The following CD93 variants were observed in gnomAD, a reference collection of about 807,000 sequenced individuals.
CD93 encodes CD93 molecule, also known as complement component C1q receptor.
Under a neutral mutation model 45.5 loss-of-function variants are expected in CD93, and 44 were observed. The observed-to-expected ratio is 0.97, with a 90% confidence interval of 0.76 to 1.24. The LOEUF (loss-of-function observed/expected upper bound fraction) is 1.24, where lower values mean the gene tolerates loss of function less well. CD93 is among the 50% of genes most tolerant of loss of function. The pLI is 0.00. For missense variants in CD93, 918 were observed against 844.5 expected (o/e 1.09, Z -1.08); for synonymous variants, 431 against 370.8 (o/e 1.16, Z -1.87).
chr20:23,084,203 G>A, intron 1 of CD93, 56 bp downstream of exon 1: 1 of 1,580,782 alleles, frequency 6.3e-7, no homozygotes, highest in Non-Finnish European at 8.6e-7. Flanking sequence ...TTGTACTGTA[G>A]TCAGTGCCCC....
rs1568679113 is a variant in CD93 at position 23,085,897 on chromosome 20, C to G, written c.296G>C (p.Arg99Pro). 6.5e-7 allele frequency: 1 copy of G among 1,542,538 alleles called. No individual in the cohort carries two copies. Among genetic ancestry groups the G allele is most frequent in the African/African-American group, 1.4e-5 (1 of 72,168 alleles). ...RMSKFWIGLQ[R>P]EKGKCLDPSL... ...AGGGTCCAGGCACTTGCCCTTCTCT[C>G]GCTGGAGCCCAATCCAGAACTTGCT... Residue 99 changes from arginine to proline, a missense_variant, in exon 1 of 2, where the codon CGA becomes CCA. Arg to Pro is a moderately radical substitution (Grantham distance 103). Transcript: ENST00000246006.
rs541179008 is a variant in CD93 at position 23,085,053 on chromosome 20, C to T, written c.1140G>A (p.Glu380=). The change falls in exon 1 of 2, where the codon GAG becomes GAA. Residue 380 remains glutamate (E), a synonymous_variant. Coordinates refer to ENST00000246006, the MANE Select transcript of CD93 (RefSeq NM_012072.4). Reference sequence around the variant, plus strand: ...ACTCATCCACATCCTGACAGGCCCCCTCTCCAGGACCGCCCGGCTCATAGC... The same window carrying T: ...ACTCATCCACATCCTGACAGGCCCCTTCTCCAGGACCGCCCGGCTCATAGC... ...WVGYEPGGPG[E]GACQDVDECA... 5 of 1,613,690 alleles carry T rather than the reference C, an allele frequency of 3.1e-6. No individual in the cohort carries two copies. Among genetic ancestry groups the T allele is most frequent in the Non-Finnish European group, 4.2e-6 (5 of 1,179,834 alleles).
rs1468398961 is a variant in CD93, at chr20:23,082,026, G to A, written c.*1924C>T. 3 of 152,098 alleles carry A rather than the reference G, an allele frequency of 2.0e-5. No homozygotes were observed. Among genetic ancestry groups the A allele is most frequent in the African/African-American group, 4.8e-5 (2 of 41,414 alleles). The allele number at this position is 152,098 out of a possible 1,614,324, so 9.4% of individuals were successfully genotyped here. Reference sequence around the variant, plus strand: ...TGCCCAGCTTCACACATCACCTAGAGTCTCGTGGCCAAGGAAGTTTTGCCA... The same window carrying A: ...TGCCCAGCTTCACACATCACCTAGAATCTCGTGGCCAAGGAAGTTTTGCCA... On this transcript the variant is annotated 3_prime_UTR_variant, in exon 2 of 2. Coordinates refer to ENST00000246006, the MANE Select transcript of CD93 (RefSeq NM_012072.4).
Position 23,085,254 on chromosome 20 carries a change from C to T in CD93, c.939G>A (p.Gly313=), listed in dbSNP as rs747006561. ...RNPCSSSPCR[G]GATCVLGPHG... ...GGGGTCCCAGGACGCACGTGGCCCC[C>T]CCACGACATGGGCTGGAGCTGCAAG... is the stretch of plus-strand genomic sequence containing the variant. Residue 313 remains glycine (G), a synonymous_variant, in exon 1 of 2, where the codon GGG becomes GGA. Coordinates refer to ENST00000246006, the MANE Select transcript of CD93 (RefSeq NM_012072.4). The T allele has an allele frequency of 2.5e-6, 4 of 1,613,108 alleles. No homozygotes were observed. The highest frequency in any genetic ancestry group is 1.1e-5 in the South Asian group (1 of 90,994).
intron 1 of CD93, 118 bp downstream of exon 1, chr20:23,084,140 AC>A: frequency 7.0e-7 from 1 of 1,428,026 alleles, no homozygotes; most frequent in Non-Finnish European, 9.8e-7. Flanking sequence ...AGCTGCAAGG[AC>A]CAGGGTGTGT....
rs150010832 is a variant in CD93 at position 23,085,207 on chromosome 20, C to T, written c.986G>A (p.Arg329His). 137 of 1,597,314 alleles carry T rather than the reference C, an allele frequency of 8.6e-5. No individual in the cohort carries two copies. The African/African-American group carries it at 1.4e-3, about 17-fold the overall frequency. The change falls in exon 1 of 2, where the codon CGC (arginine) becomes CAC (histidine). Residue 329 changes from arginine (R) to histidine (H), a missense_variant. Transcript: ENST00000246006. Reference protein sequence around the residue: ...LGPHGKNYTCRCPQGYQLDSS... With the variant: ...LGPHGKNYTCHCPQGYQLDSS... ...GTCCAGCTGGTACCCTTGGGGGCAG[C>T]GGCACGTGTAGTTTTTCCCATGGGG... is the stretch of plus-strand genomic sequence containing the variant.
Position 23,085,463 on chromosome 20 carries a change from C to A in CD93, c.730G>T (p.Ala244Ser). ...QSHYFLCKEKAPDVFDWGSSG... is the reference protein window; with the variant it reads ...QSHYFLCKEKSPDVFDWGSSG... ...CTGCCCCAGTCGAACACATCGGGGG[C>A]CTTCTCCTTGCACAGGAAATAATGA... The change falls in exon 1 of 2, where the codon GCC becomes TCC. Residue 244 changes from alanine (A) to serine (S), a missense_variant. Coordinates refer to ENST00000246006, the MANE Select transcript of CD93 (RefSeq NM_012072.4). 1.2e-6 allele frequency: 2 copies of A among 1,613,926 alleles called. No individual in the cohort carries two copies. Among genetic ancestry groups the A allele is most frequent in the Non-Finnish European group, 1.7e-6 (2 of 1,180,036 alleles).
chr20:23,084,368 G>T lies in CD93; in HGVS notation c.1825C>A (p.Arg609=), dbSNP rs745695333. The change falls in exon 1 of 2, where the codon CGG becomes AGG. Residue 609 remains arginine, a synonymous_variant. Coordinates refer to ENST00000246006, the MANE Select transcript of CD93 (RefSeq NM_012072.4). ...TTCTTCTCCTCCCTCTTCGCTCTCC[G>T]CTTGCGATAGACCAGTAGCCCCAGA... The part of the protein sequence containing the change: ...LALGLLVYRK[R]RAKREEKKEK... The T allele has an allele frequency of 1.9e-6, 3 of 1,614,062 alleles. No homozygotes were observed. Among genetic ancestry groups the T allele is most frequent in the African/African-American group, 2.7e-5 (2 of 74,922 alleles).
chr20:23,085,527 A>G lies in CD93; in HGVS notation c.666T>C (p.Asn222=). 1 of 1,613,964 alleles carries G rather than the reference A, an allele frequency of 6.2e-7. No individual in the cohort carries two copies. Among genetic ancestry groups the G allele is most frequent in the East Asian group, 2.2e-5 (1 of 44,856 alleles). ...CCTTGTCACCTTCCCCACAGGCTAC[A>G]TTGGCCGCAGAGGCAAAGGGCACAG... ...LEAVPFASAA[N]VACGEGDKDE... is the part of the protein sequence containing the mutation. The change falls in exon 1 of 2, where the codon AAT becomes AAC. Residue 222 remains asparagine, a synonymous_variant. Coordinates refer to ENST00000246006, the MANE Select transcript of CD93 (RefSeq NM_012072.4).
At position 23,086,196 on chromosome 20, in the gene CD93, G is replaced by A. The variant is rs1281555732; in HGVS notation, c.-4C>T. On this transcript the variant is annotated 5_prime_UTR_variant, in exon 1 of 2. Coordinates refer to ENST00000246006, the MANE Select transcript of CD93 (RefSeq NM_012072.4). ...GCAGGCCCATGGAGGTGGCCATCCCGGTCTCTGTGTGGCCCTCTGCGGGAG... is the reference window on the plus strand; with the variant it reads ...GCAGGCCCATGGAGGTGGCCATCCCAGTCTCTGTGTGGCCCTCTGCGGGAG... The A allele has an allele frequency of 3.3e-6, 5 of 1,526,740 alleles. No homozygotes were observed. The East Asian group carries it at 7.3e-5, about 22-fold the overall frequency. The allele number at this position is 1,526,740 out of a possible 1,614,324, so 94.6% of individuals were successfully genotyped here.
rs539505867 is a variant in CD93 at position 23,080,228 on chromosome 20, A to C, written c.*3722T>G. ...GCTTTCCTATGTTAGTTTTAAAAAG[A>C]CTGTGTTATTTTTAATTCAATTTTT... On this transcript the variant is annotated 3_prime_UTR_variant, in exon 2 of 2. Transcript: ENST00000246006. 1.3e-5 allele frequency: 2 copies of C among 152,716 alleles called. No homozygotes were observed. The highest frequency in any genetic ancestry group is 3.9e-4 in the East Asian group (2 of 5,184). The allele number at this position is 152,716 out of a possible 1,614,324, so 9.5% of individuals were successfully genotyped here.
In CD93 at chr20:23,085,587, G is replaced by A. The variant is rs1426329208; in HGVS notation, c.606C>T (p.Thr202=). 2 of 1,613,784 alleles carry A rather than the reference G, an allele frequency of 1.2e-6. No homozygotes were observed. Among genetic ancestry groups the A allele is most frequent in the South Asian group, 1.1e-5 (1 of 91,088 alleles). ...ALGGPGQVTY[T]TPFQTTSSSL... ...AGGAACTGGTGGTCTGGAAGGGGGT[G>A]GTGTAGGTCACCTGACCTGGGCCCC... The change falls in exon 1 of 2, where the codon ACC becomes ACT. Residue 202 remains threonine (T), a synonymous_variant. Coordinates refer to ENST00000246006, the MANE Select transcript of CD93 (RefSeq NM_012072.4).
In CD93 at chr20:23,084,601, G is replaced by A. The variant is rs1985419763; in HGVS notation, c.1592C>T (p.Pro531Leu). The A allele has an allele frequency of 6.2e-7, 1 of 1,611,588 alleles. No individual in the cohort carries two copies. The highest frequency in any genetic ancestry group is 8.5e-7 in the Non-Finnish European group (1 of 1,178,608). ...CCCACTGGGGGCCAGCATCTTGAGT[G>A]GGGCAGATGTGATGGGGGCGTCAGA... ...LSSDAPITSAPLKMLAPSGSP... is the reference protein window; with the variant it reads ...LSSDAPITSALLKMLAPSGSP... The change falls in exon 1 of 2, where the codon CCA becomes CTA. Residue 531 changes from proline (P) to leucine (L), a missense_variant. Coordinates refer to ENST00000246006, the MANE Select transcript of CD93 (RefSeq NM_012072.4).
At chr20:23,084,093 G>C in intron 1 of CD93, 119 bp from the exon 2 acceptor site, 1 of 1,435,722 alleles carries the variant, frequency 7.0e-7, no homozygotes, top group South Asian at 1.1e-5. Flanking sequence ...GCTCTAAGGG[G>C]GCCCGAGTGC....
chr20:23,084,084 C>G, intron 1 of CD93, 110 bp from the exon 2 acceptor site: 1 of 1,463,388 alleles, frequency 6.8e-7, no homozygotes, highest in East Asian at 2.3e-5. Context: ...GGGCAGTATG[C>G]TCTAAGGGGG....
At position 23,084,586 on chromosome 20, in the gene CD93, G is replaced by A. The variant is rs1985419334; in HGVS notation, c.1607C>T (p.Ala536Val). 6.2e-7 allele frequency: 1 copy of A among 1,613,092 alleles called. No individual in the cohort carries two copies. The highest frequency in any genetic ancestry group is 2.2e-5 in the East Asian group (1 of 44,874). The change falls in exon 1 of 2, where the codon GCC (alanine) becomes GTC (valine). Residue 536 changes from alanine (A) to valine (V), a missense_variant. Ala to Val is a moderately conservative substitution (Grantham distance 64). Coordinates refer to ENST00000246006, the MANE Select transcript of CD93 (RefSeq NM_012072.4). ...PITSAPLKML[A>V]PSGSPGVWRE... ...CCAGACGCCTGGGGACCCACTGGGG[G>A]CCAGCATCTTGAGTGGGGCAGATGT...
Position 23,084,559 on chromosome 20 carries a change from C to G in CD93, c.1634G>C (p.Arg545Thr). 1.2e-6 allele frequency: 2 copies of G among 1,612,554 alleles called. No individual in the cohort carries two copies. Among genetic ancestry groups the G allele is most frequent in the Non-Finnish European group, 1.7e-6 (2 of 1,179,080 alleles). Residue 545 changes from arginine to threonine, a missense_variant, in exon 1 of 2, where the codon AGG (arginine) becomes ACG (threonine). Transcript: ENST00000246006. ...TGTGGCGTGATGGATGCTGGGCTCC[C>G]TCCAGACGCCTGGGGACCCACTGGG... ...LAPSGSPGVW[R>T]EPSIHHATAA...
rs1985436603 is a variant in CD93, at chr20:23,084,908, C to T, written c.1285G>A (p.Asp429Asn). ...GGGCCCCCCGGGCCCACACACTCATCCACGTCCTGGCACTGAGTCCCGTCC... is the reference window on the plus strand; with the variant it reads ...GGGCCCCCCGGGCCCACACACTCATTCACGTCCTGGCACTGAGTCCCGTCC... ...GEDGTQCQDV[D>N]ECVGPGGPLC... is the part of the protein sequence containing the mutation. Residue 429 changes from aspartate (D) to asparagine (N), a missense_variant, in exon 1 of 2, where the codon GAT (aspartate) becomes AAT (asparagine). By Grantham distance (23) the Asp-to-Asn change is conservative. Coordinates refer to ENST00000246006, the MANE Select transcript of CD93 (RefSeq NM_012072.4). 2 of 1,613,256 alleles carry T rather than the reference C, an allele frequency of 1.2e-6. No individual in the cohort carries two copies. The highest frequency in any genetic ancestry group is 1.1e-5 in the South Asian group (1 of 91,048).
chr20:23,080,690 C>T lies in CD93; in HGVS notation c.*3260G>A, dbSNP rs1012654968. ...TCATCCCCACATTACCCAAACATAACGTCGTAGTGCTACACGTAGATGTGT... is the reference window on the plus strand; with the variant it reads ...TCATCCCCACATTACCCAAACATAATGTCGTAGTGCTACACGTAGATGTGT... On this transcript the variant is annotated 3_prime_UTR_variant, in exon 2 of 2. Coordinates refer to ENST00000246006, the MANE Select transcript of CD93 (RefSeq NM_012072.4). 3 of 152,222 alleles carry T rather than the reference C, an allele frequency of 2.0e-5. No homozygotes were observed. Among genetic ancestry groups the T allele is most frequent in the African/African-American group, 4.8e-5 (2 of 41,438 alleles). 9.4% of individuals were successfully genotyped at this position (152,222 alleles called of 1,614,324 possible). A position where few individuals can be genotyped will look rare whatever the true frequency, so the allele number is the denominator to read the frequency against.
Sources: allele counts gnomAD v4.1 joint callset, GRCh38; gene constraint gnomAD v4.1.1; transcripts MANE v1.5; gene names NCBI Gene and HGNC (gene_info 2026-07-23, HGNC 2026-07-21).